The following PCCA variants were observed in gnomAD, a reference collection of about 807,000 sequenced individuals.
PCCA encodes propionyl-CoA carboxylase subunit alpha.
A neutral mutation model predicts 101.3 loss-of-function variants in PCCA; 74 were observed. That is an observed-to-expected ratio of 0.73 (90% CI 0.61 to 0.89). PCCA has a LOEUF of 0.89. Among genes scored for constraint, PCCA ranks in the 40% least tolerant of loss-of-function variants. The pLI is 0.00. For synonymous variants in PCCA, 294 were observed against 313.6 expected (o/e 0.94, Z 0.66); for missense variants, 891 against 907.0 (o/e 0.98, Z 0.23).
At chr13:100,474,783 A>G (rs13378881) in intron 21 of PCCA, among the ~76,000 whole-genome samples, 2,596 of 152,198 alleles carry the variant, frequency 0.017, 75 homozygotes, top group African/African-American at 0.059. Flanking sequence ...GCCTGGCCGT[A>G]TATGTCCATT....
At chr13:100,168,233 T>C (rs1256082280) in intron 6 of PCCA, among the ~76,000 whole-genome samples, 1 of 152,214 alleles carries the variant, frequency 6.6e-6, no homozygotes, top group Non-Finnish European at 1.5e-5. Context: ...TCATTAACAG[T>C]ATACAAGATG....
At chr13:100,493,342 G>T (rs1402920191) in intron 21 of PCCA, among the ~76,000 whole-genome samples, 1 of 152,196 alleles carries the variant, frequency 6.6e-6, no homozygotes, top group African/African-American at 2.4e-5. Flanking sequence ...CCTGTTGGGT[G>T]GATGTGGAGG....
intron 20 of PCCA, among the ~76,000 whole-genome samples, chr13:100,448,143 A>G (rs1054116775): frequency 2.6e-5 from 4 of 152,240 alleles, no homozygotes; most frequent in Admixed American, 2.0e-4. Context: ...CAGAAGAGGA[A>G]GAATTCTGAG....
intron 18 of PCCA, among the ~76,000 whole-genome samples, chr13:100,354,083 T>C: frequency 8.5e-6 from 1 of 117,818 alleles, no homozygotes; most frequent in African/African-American, 3.0e-5. Context: ...CAAATAATAA[T>C]AATAATAATA....
At chr13:100,286,393 A>G (rs73573275) in intron 12 of PCCA, among the ~76,000 whole-genome samples, 5,377 of 152,156 alleles carry the variant, frequency 0.035, 336 homozygotes, top group African/African-American at 0.12. Flanking sequence ...CAGAGGCTAA[A>G]CTAAATCCAA....
chr13:100,139,365 C>T (rs1165852582), intron 4 of PCCA, among the ~76,000 whole-genome samples: 4 of 151,804 alleles, frequency 2.6e-5, no homozygotes, highest in Non-Finnish European at 5.9e-5. Context: ...CTCTGATAGA[C>T]ATGTATGTTA....
intron 18 of PCCA, among the ~76,000 whole-genome samples, chr13:100,342,378 C>T (rs2071511079): frequency 6.6e-6 from 1 of 152,032 alleles, no homozygotes; most frequent in East Asian, 1.9e-4. Context: ...ATTCTCCTGC[C>T]TCAGCCTCCT....
At chr13:100,215,658 G>A (rs1393622086) in intron 7 of PCCA, among the ~76,000 whole-genome samples, 1 of 151,606 alleles carries the variant, frequency 6.6e-6, no homozygotes, top group African/African-American at 2.4e-5. Flanking sequence ...ATTTTTTTGA[G>A]GTGGAGTCTC....
intron 7 of PCCA, among the ~76,000 whole-genome samples, chr13:100,218,819 T>G (rs1191802068): frequency 6.6e-6 from 1 of 152,242 alleles, no homozygotes; most frequent in Admixed American, 6.5e-5. Context: ...GTACTTGATC[T>G]TAACAGACTA....
At chr13:100,445,825 C>T (rs1480854871) in intron 20 of PCCA, among the ~76,000 whole-genome samples, 2 of 152,142 alleles carry the variant, frequency 1.3e-5, no homozygotes, top group Non-Finnish European at 1.5e-5. Context: ...TGGATGGACA[C>T]TTAGGCTGAT....
At chr13:100,194,140 A>G (rs1409031712) in intron 6 of PCCA, among the ~76,000 whole-genome samples, 1 of 152,106 alleles carries the variant, frequency 6.6e-6, no homozygotes, top group Non-Finnish European at 1.5e-5. Flanking sequence ...TAAGCTTTAT[A>G]ATGTAGGCTA....
intron 20 of PCCA, among the ~76,000 whole-genome samples, chr13:100,447,672 C>CAA (rs548052967): frequency 7.1e-4 from 95 of 134,552 alleles, no homozygotes; most frequent in African/African-American, 2.2e-3. Context: ...AACTCTGTCT[C>CAA]AAAAAAAAAA....
intron 19 of PCCA, among the ~76,000 whole-genome samples, chr13:100,403,751 T>C (rs1021928704): frequency 1.3e-5 from 2 of 152,150 alleles, no homozygotes; most frequent in African/African-American, 4.8e-5. Flanking sequence ...CAGGGACTCT[T>C]CAAGGCCAGA....
At chr13:100,295,764 C>CT (rs1288771382) in intron 12 of PCCA, among the ~76,000 whole-genome samples, 9 of 152,220 alleles carry the variant, frequency 5.9e-5, no homozygotes, top group Non-Finnish European at 1.0e-4. Context: ...ATAATTAGAG[C>CT]TGCAGATATA....
intron 18 of PCCA, among the ~76,000 whole-genome samples, chr13:100,359,717 G>T (rs1297381655): frequency 2.0e-5 from 3 of 152,084 alleles, no homozygotes; most frequent in Admixed American, 2.0e-4. Flanking sequence ...GCCATACAAT[G>T]AATAAAACTA....
At chr13:100,193,190 A>G (rs929746164) in intron 6 of PCCA, among the ~76,000 whole-genome samples, 1 of 152,234 alleles carries the variant, frequency 6.6e-6, no homozygotes, top group African/African-American at 2.4e-5. Context: ...TGCAGATTCA[A>G]AACGCTGGTT....
chr13:100,355,725 A>G (rs979353570), intron 18 of PCCA, among the ~76,000 whole-genome samples: 2 of 152,182 alleles, frequency 1.3e-5, no homozygotes, highest in African/African-American at 4.8e-5. Flanking sequence ...AAACTGATCT[A>G]CAGATTCAGC....
At chr13:100,342,609 C>G (rs2071550542) in intron 18 of PCCA, among the ~76,000 whole-genome samples, 1 of 151,936 alleles carries the variant, frequency 6.6e-6, no homozygotes, top group Non-Finnish European at 1.5e-5. Context: ...GTGTGTAACT[C>G]AGACGACTCT....
chr13:100,347,104 T>C (rs1179842426), intron 18 of PCCA, among the ~76,000 whole-genome samples: 3 of 152,230 alleles, frequency 2.0e-5, no homozygotes, highest in Non-Finnish European at 2.9e-5. Context: ...CACGATCTCC[T>C]GACCTTGTGA....
Sources: allele counts gnomAD v4.1 joint callset (sites outside exome capture counted in the v4.1 genomes callset), GRCh38; gene constraint gnomAD v4.1.1; transcripts MANE v1.5; gene names NCBI Gene and HGNC (gene_info 2026-07-23, HGNC 2026-07-21).